The following CDK14 variants were observed in gnomAD, a reference collection of about 807,000 sequenced individuals.
CDK14 encodes the protein cyclin dependent kinase 14, also known as cyclin-dependent kinase 14.
A neutral mutation model predicts 60.7 loss-of-function variants in CDK14; 34 were observed. The ratio of observed to expected loss-of-function variants is 0.56; its 90% CI spans 0.43 to 0.75. CDK14 has a LOEUF of 0.75. Among genes scored for constraint, CDK14 ranks in the 30% least tolerant of loss-of-function variants. CDK14 has a pLI of 0.00. For synonymous variants in CDK14, 197 were observed against 203.7 expected (o/e 0.97, Z 0.28); for missense variants, 482 against 564.1 (o/e 0.85, Z 1.47).
At chr7:90,935,320 A>C (rs915915164) in intron 8 of CDK14, among the ~76,000 whole-genome samples, 6 of 152,258 alleles carry the variant, frequency 3.9e-5, no homozygotes, top group African/African-American at 1.4e-4. Context: ...ATTGATAAAC[A>C]TTCAGACCAT....
chr7:90,880,144 G>A (rs1264013316), intron 6 of CDK14, among the ~76,000 whole-genome samples: 3 of 152,238 alleles, frequency 2.0e-5, no homozygotes, highest in African/African-American at 7.2e-5. Flanking sequence ...CTCCTTGGGG[G>A]AGGGACAGCA....
At chr7:90,676,938 T>C (rs2116549116) in intron 2 of CDK14, among the ~76,000 whole-genome samples, 1 of 132,876 alleles carries the variant, frequency 7.5e-6, no homozygotes, top group African/African-American at 2.7e-5. Flanking sequence ...TATTCAGTTG[T>C]ATATCAAGTT....
At chr7:90,884,221 G>A (rs1367669534) in intron 6 of CDK14, among the ~76,000 whole-genome samples, 1 of 152,146 alleles carries the variant, frequency 6.6e-6, no homozygotes. Flanking sequence ...GAACTGAAAT[G>A]CAACTTCAGC....
chr7:91,181,922 C>T lies in CDK14; in HGVS notation c.*29-25243C>T, dbSNP rs187815449. Among the ~76,000 whole-genome samples, 289 of 152,258 alleles carry T rather than the reference C, an allele frequency of 1.9e-3. 4 individuals carry two copies. Among genetic ancestry groups the T allele is most frequent in the Admixed American group, 0.015 (235 of 15,298 alleles). On this transcript the variant is annotated intron_variant, in intron 14 of 14. Transcript: ENST00000380050. ...AAATTGTGAGGTCACAATTTGAGTA[C>T]TAAGGGTATACATTGCTACTAGGTT...
intron 12 of CDK14, among the ~76,000 whole-genome samples, chr7:91,091,170 C>G (rs900759818): frequency 6.6e-6 from 1 of 150,736 alleles, no homozygotes; most frequent in Non-Finnish European, 1.5e-5. Flanking sequence ...CCAAGGTGGA[C>G]AGATCACTTG....
rs189719914 is a variant in CDK14, at chr7:91,053,897, C to T, written c.1105+7937C>T. On this transcript the variant is annotated intron_variant, in intron 11 of 14. Transcript: ENST00000380050. Reference sequence around the variant, plus strand: ...GAAGTGCTGAGATACCTTCCTTACTCTTCTAGAAGAGTCATGTCTGCTCCA... The same window carrying T: ...GAAGTGCTGAGATACCTTCCTTACTTTTCTAGAAGAGTCATGTCTGCTCCA... Among the ~76,000 whole-genome samples, 4 of 152,246 alleles carry T rather than the reference C, an allele frequency of 2.6e-5. No homozygotes were observed. In the East Asian group the frequency reaches 7.7e-4, roughly 29 times the overall value.
chr7:90,766,600 A>T (rs1804572820), intron 4 of CDK14, among the ~76,000 whole-genome samples: 1 of 152,140 alleles, frequency 6.6e-6, no homozygotes, highest in Non-Finnish European at 1.5e-5. Flanking sequence ...AACTTTTACC[A>T]TTTTTTGTAA....
intron 8 of CDK14, among the ~76,000 whole-genome samples, chr7:90,951,560 A>G (rs1317989195): frequency 1.3e-5 from 2 of 152,180 alleles, no homozygotes; most frequent in African/African-American, 4.8e-5. Flanking sequence ...ACCTTATCCT[A>G]GGTTCAGCAA....
intron 12 of CDK14, among the ~76,000 whole-genome samples, chr7:91,106,093 A>G (rs952642923): frequency 6.6e-6 from 1 of 152,192 alleles, no homozygotes; most frequent in Non-Finnish European, 1.5e-5. Flanking sequence ...GGGGAAAGAT[A>G]ATATTTGAGG....
intron 6 of CDK14, among the ~76,000 whole-genome samples, chr7:90,866,732 T>C (rs1218715948): frequency 6.6e-6 from 1 of 152,178 alleles, no homozygotes; most frequent in East Asian, 1.9e-4. Flanking sequence ...AATGACATTT[T>C]AGGTTTTATA....
intron 6 of CDK14, among the ~76,000 whole-genome samples, chr7:90,880,429 G>A (rs1449611023): frequency 1.3e-5 from 2 of 152,086 alleles, no homozygotes; most frequent in African/African-American, 2.4e-5. Context: ...AACAGAATTC[G>A]GATCTCCCTG....
intron 2 of CDK14, among the ~76,000 whole-genome samples, chr7:90,647,115 T>G (rs1800486102): frequency 1.3e-5 from 2 of 152,206 alleles, no homozygotes; most frequent in African/African-American, 2.4e-5. Context: ...TTTTTATGTT[T>G]ATAAGCCATT....
rs755336191 is a variant in CDK14 at position 90,927,921 on chromosome 7, C to CT, written c.826+10203dup. On this transcript the variant is annotated intron_variant, in intron 8 of 14. Transcript: ENST00000380050. ...GCGGCTTTGTTCGTTTCTTTTTACTCTTTTTTCTCTAAACTTCTCTTCTTG... is the reference window on the plus strand; with the variant it reads ...GCGGCTTTGTTCGTTTCTTTTTACTCTTTTTTTCTCTAAACTTCTCTTCTTG... Among the ~76,000 whole-genome samples, 8 of 152,230 alleles carry CT rather than the reference C, an allele frequency of 5.3e-5. No homozygotes were observed. In the South Asian group the frequency reaches 1.5e-3, roughly 28 times the overall value.
At chr7:91,158,338 G>A (rs1475882784) in intron 14 of CDK14, among the ~76,000 whole-genome samples, 6 of 151,718 alleles carry the variant, frequency 4.0e-5, no homozygotes, top group Non-Finnish European at 7.4e-5. Context: ...TCAGCCTGCC[G>A]AGTAGCTAGA....
intron 3 of CDK14, among the ~76,000 whole-genome samples, chr7:90,738,381 T>C (rs960676503): frequency 1.8e-4 from 27 of 152,174 alleles, no homozygotes; most frequent in Admixed American, 5.9e-4. Context: ...CTAGTTGTTA[T>C]TATTATTACA....
chr7:90,689,175 T>G (rs575419577), intron 2 of CDK14, among the ~76,000 whole-genome samples: 54 of 152,260 alleles, frequency 3.5e-4, no homozygotes, highest in Non-Finnish European at 7.4e-5. Flanking sequence ...TATGGCTGAA[T>G]GTGGTTGAAG....
At chr7:91,002,892 G>A (rs1279328531) in intron 10 of CDK14, among the ~76,000 whole-genome samples, 1 of 152,118 alleles carries the variant, frequency 6.6e-6, no homozygotes, top group Non-Finnish European at 1.5e-5. Flanking sequence ...CTAACACGGT[G>A]AAACCCTATC....
intron 10 of CDK14, among the ~76,000 whole-genome samples, chr7:90,993,014 G>A (rs1795582735): frequency 6.6e-6 from 1 of 152,158 alleles, no homozygotes; most frequent in Admixed American, 6.6e-5. Flanking sequence ...AAGTGTTTCT[G>A]TTTTGGAGAG....
chr7:90,832,864 G>T (rs555071249), intron 5 of CDK14, among the ~76,000 whole-genome samples: 7 of 152,310 alleles, frequency 4.6e-5, no homozygotes, highest in Admixed American at 3.9e-4. Context: ...GGGTTACAAT[G>T]CCTTGAGTAG....
Sources: gnomAD v4.1 joint callset for allele counts (sites outside exome capture counted in the v4.1 genomes callset) on GRCh38, gnomAD v4.1.1 for gene constraint, MANE v1.5 for transcripts, NCBI Gene and HGNC (gene_info 2026-07-23, HGNC 2026-07-21) for gene names.